Variants in NEK10 observed in about 807,000 individuals in gnomAD.
The protein encoded by NEK10 is NIMA related kinase 10.
Under a neutral mutation model 159.8 loss-of-function variants are expected in NEK10, and 122 were observed. The ratio of observed to expected loss-of-function variants is 0.76; its 90% CI spans 0.66 to 0.89. NEK10 has a LOEUF of 0.89. Among genes scored for constraint, NEK10 ranks in the 40% least tolerant of loss-of-function variants. The pLI, the probability that NEK10 is intolerant of heterozygous loss-of-function variation, is 0.00. For missense variants in NEK10, 1,342 were observed against 1,323.1 expected (o/e 1.01, Z -0.22); for synonymous variants, 466 against 457.1 (o/e 1.02, Z -0.25).
At chr3:27,335,793 T>C (rs2046761102) in intron 5 of NEK10, among the ~76,000 whole-genome samples, 1 of 152,066 alleles carries the variant, frequency 6.6e-6, no homozygotes, top group Non-Finnish European at 1.5e-5. Context: ...AAAATGTAAA[T>C]AGAAAAATTT....
At chr3:27,185,331 T>C (rs1395326731) in intron 26 of NEK10, among the ~76,000 whole-genome samples, 4 of 152,208 alleles carry the variant, frequency 2.6e-5, no homozygotes, top group African/African-American at 4.8e-5. Flanking sequence ...CATTTACTTA[T>C]TGTCATAAGC....
At chr3:27,360,111 CTCTAG>C (rs2048579727) in intron 1 of NEK10, among the ~76,000 whole-genome samples, 1 of 152,184 alleles carries the variant, frequency 6.6e-6, no homozygotes, top group African/African-American at 2.4e-5. Flanking sequence ...ACATCTGGTT[CTCTAG>C]TCTAAACTGT....
At chr3:27,197,157 CTCTT>C (rs1949628142) in intron 25 of NEK10, among the ~76,000 whole-genome samples, 1 of 151,904 alleles carries the variant, frequency 6.6e-6, no homozygotes, top group South Asian at 2.1e-4. Context: ...GGTCAAATCA[CTCTT>C]TTTTTTTATT....
chr3:27,180,190 G>T (rs1947930215), intron 26 of NEK10, among the ~76,000 whole-genome samples: 1 of 152,132 alleles, frequency 6.6e-6, no homozygotes, highest in Non-Finnish European at 1.5e-5. Context: ...GAGGTCAGGA[G>T]TTTGAGACCA....
chr3:27,205,271 G>T (rs1246781580), intron 23 of NEK10, among the ~76,000 whole-genome samples: 1 of 145,164 alleles, frequency 6.9e-6, no homozygotes, highest in Non-Finnish European at 1.5e-5. Context: ...TCGTGAAAAT[G>T]GCCATACTGC....
intron 5 of NEK10, among the ~76,000 whole-genome samples, chr3:27,333,199 T>C (rs1319254166): frequency 6.6e-6 from 1 of 152,010 alleles, no homozygotes; most frequent in East Asian, 1.9e-4. Context: ...TGAGAGACCC[T>C]CAGTAGTCCA....
At chr3:27,257,340 T>G (rs1956307473) in intron 22 of NEK10, among the ~76,000 whole-genome samples, 1 of 152,192 alleles carries the variant, frequency 6.6e-6, no homozygotes, top group East Asian at 1.9e-4. Context: ...AAAAAGACAA[T>G]GCAGAACCAG....
intron 32 of NEK10, among the ~76,000 whole-genome samples, chr3:27,125,147 C>G (rs1232777607): frequency 1.3e-5 from 2 of 152,004 alleles, no homozygotes; most frequent in Non-Finnish European, 2.9e-5. Flanking sequence ...ACCTCTCCCC[C>G]CAAAAAACAC....
At chr3:27,179,251 C>T (rs768948799) in intron 26 of NEK10, among the ~76,000 whole-genome samples, 85 of 152,186 alleles carry the variant, frequency 5.6e-4, no homozygotes, top group Non-Finnish European at 7.4e-4. Flanking sequence ...AAAATATTCT[C>T]TTTAGGTTGG....
At chr3:27,196,403 G>C (rs1488598023) in intron 25 of NEK10, among the ~76,000 whole-genome samples, 2 of 152,176 alleles carry the variant, frequency 1.3e-5, no homozygotes, top group East Asian at 3.9e-4. Flanking sequence ...CTACAACTCA[G>C]CATCTGAGGG....
chr3:27,237,670 A>T (rs1284462442), intron 23 of NEK10, among the ~76,000 whole-genome samples: 1 of 150,876 alleles, frequency 6.6e-6, no homozygotes, highest in East Asian at 2.0e-4. Context: ...GAGTGGGGTG[A>T]GGAAGGGTGG....
intron 8 of NEK10, 142 bp from the exon 9 acceptor site, chr3:27,311,158 C>T (rs187854114): frequency 8.0e-6 from 4 of 499,958 alleles, no homozygotes; most frequent in Non-Finnish European, 1.4e-5. Context: ...GATGCAGGAG[C>T]AGCATGGCTA....
intron 13 of NEK10, among the ~76,000 whole-genome samples, chr3:27,300,163 A>G (rs1188279723): frequency 6.6e-6 from 1 of 152,192 alleles, no homozygotes; most frequent in African/African-American, 2.4e-5. Context: ...TTCATGTGTC[A>G]TGGGAGGAAC....
intron 1 of NEK10, among the ~76,000 whole-genome samples, chr3:27,358,015 A>G (rs2149855669): frequency 6.6e-6 from 1 of 152,344 alleles, no homozygotes; most frequent in African/African-American, 2.4e-5. Flanking sequence ...ATAAAAATAG[A>G]AAACCACTGA....
In NEK10 at chr3:27,291,507, C is replaced by A. The variant is rs1232909902; in HGVS notation, c.1453G>T (p.Val485Leu). The A allele has an allele frequency of 6.2e-7, 1 of 1,609,718 alleles. No individual in the cohort carries two copies. The highest frequency in any genetic ancestry group is 8.5e-7 in the Non-Finnish European group (1 of 1,176,038). ...ACCACTAATAAATTCAGCTTGGATA[C>A]CAATTCTTCATAAGCACTGATATCA... ...VRDISAYEEL[V>L]SKLNLLVEDE... Residue 485 changes from valine (V) to leucine (L), a missense_variant, in exon 17 of 36, where the codon GTA (valine) becomes TTA (leucine). Physicochemically the swap from Val to Leu is conservative, Grantham distance 32. Transcript: ENST00000691995.
intron 3 of NEK10, among the ~76,000 whole-genome samples, chr3:27,347,252 T>G (rs1043150340): frequency 7.8e-4 from 119 of 152,250 alleles, no homozygotes; most frequent in African/African-American, 2.3e-3. Flanking sequence ...TAGTGGCTCA[T>G]GCCTGTAATC....
chr3:27,152,146 C>T (rs577597528), intron 30 of NEK10, among the ~76,000 whole-genome samples: 2 of 152,110 alleles, frequency 1.3e-5, no homozygotes, highest in African/African-American at 2.4e-5. Context: ...ACAAAGAACA[C>T]CTGGGAAATT....
chr3:27,172,442 T>C (rs921053360), intron 28 of NEK10, among the ~76,000 whole-genome samples: 5 of 151,548 alleles, frequency 3.3e-5, no homozygotes, highest in Non-Finnish European at 7.4e-5. Flanking sequence ...CCACTACTGG[T>C]ATATATCCAA....
chr3:27,245,354 G>GGGCT (rs1954953558), intron 23 of NEK10, among the ~76,000 whole-genome samples: 1 of 152,122 alleles, frequency 6.6e-6, no homozygotes, highest in African/African-American at 2.4e-5. Context: ...TCACACATTT[G>GGGCT]GGCTGGCTCT....
Sources: gnomAD v4.1 joint callset for allele counts (sites outside exome capture counted in the v4.1 genomes callset) on GRCh38, gnomAD v4.1.1 for gene constraint, MANE v1.5 for transcripts, NCBI Gene and HGNC (gene_info 2026-07-23, HGNC 2026-07-21) for gene names.